FRMPD4: variants seen among roughly 807,000 people sequenced by gnomAD.
FRMPD4 encodes FERM and PDZ domain containing 4, also known as FERM and PDZ domain-containing protein 4.
Under a neutral mutation model 94.1 loss-of-function variants are expected in FRMPD4, and 22 were observed. The observed-to-expected ratio is 0.23, with a 90% confidence interval of 0.17 to 0.33. The LOEUF (loss-of-function observed/expected upper bound fraction) is 0.33. Ranked by LOEUF, FRMPD4 falls within the 10% of genes least tolerant of loss-of-function variation. The probability of loss-of-function intolerance (pLI) is 1.00; values close to 1 mark genes in which losing one functional copy is unlikely to be tolerated. For synonymous variants in FRMPD4, 631 were observed against 548.6 expected (o/e 1.15, Z -2.10); for missense variants, 1,111 against 1,339.9 (o/e 0.83, Z 2.67).
rs1478269492 is a variant in FRMPD4 at position 12,193,838 on chromosome X, G to GGAAGGAAGGA, written c.41+54826_41+54827insGAAGGAAGGA. On this transcript the variant is annotated intron_variant, in intron 1 of 16. Transcript: ENST00000675598. ...AGGAAGGAAGGAAGGAGGGAAGGAA[G>GGAAGGAAGGA]AAAGAAAAGAAAGAAAAAGGAAGGA... Among the ~76,000 whole-genome samples the GGAAGGAAGGA allele has an allele frequency of 4.0e-4, 24 of 59,955 alleles. 1 individual carries two copies. The highest frequency in any genetic ancestry group is 2.0e-3 in the East Asian group (2 of 1,003). 52.1% of individuals were successfully genotyped at this position (59,955 alleles called of 115,157 possible). A position where few individuals can be genotyped will look rare whatever the true frequency, so the allele number is the denominator to read the frequency against.
intron 3 of FRMPD4, among the ~76,000 whole-genome samples, chrX:11,884,269 C>T (rs1269487732): frequency 1.8e-5 from 2 of 112,170 alleles, no homozygotes; most frequent in Non-Finnish European, 3.8e-5. Context: ...CATGATGGCT[C>T]TACTTGTTTA....
chrX:12,321,759 A>G (rs1480013730), intron 1 of FRMPD4, among the ~76,000 whole-genome samples: 1 of 112,017 alleles, frequency 8.9e-6, no homozygotes, highest in Non-Finnish European at 1.9e-5. Flanking sequence ...GACAAGCAGG[A>G]ACCAACTAAG....
chrX:12,417,696 T>A (rs895256705), intron 1 of FRMPD4, among the ~76,000 whole-genome samples: 1 of 110,160 alleles, frequency 9.1e-6, no homozygotes, highest in African/African-American at 3.3e-5. Context: ...TATGTGCTTT[T>A]ATTCATTTTA....
At chrX:12,413,759 T>C (rs1331491830) in intron 1 of FRMPD4, among the ~76,000 whole-genome samples, 4 of 112,327 alleles carry the variant, frequency 3.6e-5, no homozygotes, top group African/African-American at 1.3e-4. Context: ...GGGGCAGCCT[T>C]TAAATGTGCA....
intron 3 of FRMPD4, among the ~76,000 whole-genome samples, chrX:12,128,703 C>A (rs1453975864): frequency 8.9e-6 from 1 of 112,004 alleles, no homozygotes; most frequent in Non-Finnish European, 1.9e-5. Context: ...AAACATAAAT[C>A]CCAATTCCAA....
intron 4 of FRMPD4, among the ~76,000 whole-genome samples, chrX:12,648,278 A>G: frequency 9.0e-6 from 1 of 111,662 alleles, no homozygotes; most frequent in Non-Finnish European, 1.9e-5. Flanking sequence ...TTGTGTCCTA[A>G]TTATACTTGC....
At chrX:12,696,323 G>A (rs1006385426) in intron 9 of FRMPD4, among the ~76,000 whole-genome samples, 6 of 111,192 alleles carry the variant, frequency 5.4e-5, no homozygotes, top group Admixed American at 3.8e-4. Context: ...AAGTTTCCAG[G>A]AATGAGTATC....
At chrX:12,416,910 A>C (rs753754936) in intron 1 of FRMPD4, among the ~76,000 whole-genome samples, 1 of 111,965 alleles carries the variant, frequency 8.9e-6, no homozygotes, top group South Asian at 3.8e-4. Flanking sequence ...AAAAAATTTT[A>C]GAAGGTATTC....
chrX:12,512,931 T>C (rs1436271380), intron 2 of FRMPD4, among the ~76,000 whole-genome samples: 2 of 112,653 alleles, frequency 1.8e-5, no homozygotes, highest in East Asian at 5.6e-4. Context: ...CATGAGATGA[T>C]ATCTTATTGT....
At chrX:12,260,575 C>T (rs1286469808) in intron 1 of FRMPD4, among the ~76,000 whole-genome samples, 1 of 111,609 alleles carries the variant, frequency 9.0e-6, no homozygotes, top group East Asian at 2.8e-4. Flanking sequence ...TTGCATCCTT[C>T]ACATCCATTA....
chrX:11,857,297 A>G (rs780118578), intron 1 of FRMPD4, among the ~76,000 whole-genome samples: 2 of 111,852 alleles, frequency 1.8e-5, no homozygotes, highest in South Asian at 7.5e-4. Context: ...ATGCTACCTG[A>G]TGTCAAACTG....
intron 1 of FRMPD4, among the ~76,000 whole-genome samples, chrX:12,216,056 C>G (rs960823707): frequency 8.9e-6 from 1 of 112,432 alleles, no homozygotes; most frequent in African/African-American, 3.2e-5. Context: ...GCCTAGAATA[C>G]AGTTTCTGTG....
intron 1 of FRMPD4, among the ~76,000 whole-genome samples, chrX:12,278,040 C>G (rs1433825711): frequency 2.7e-5 from 3 of 112,773 alleles, no homozygotes; most frequent in Non-Finnish European, 5.6e-5. Context: ...ATTCAGACCT[C>G]TGTGTGAAAC....
intron 1 of FRMPD4, among the ~76,000 whole-genome samples, chrX:12,147,360 C>T (rs1156990724): frequency 9.0e-6 from 1 of 111,711 alleles, no homozygotes; most frequent in Admixed American, 9.5e-5. Context: ...AGGTATTGTA[C>T]GTTTCTAAAA....
intron 3 of FRMPD4, among the ~76,000 whole-genome samples, chrX:11,975,888 A>G (rs1211487878): frequency 8.9e-6 from 1 of 112,220 alleles, no homozygotes; most frequent in Non-Finnish European, 1.9e-5. Flanking sequence ...TATTTGCTGA[A>G]TTATGTGTAA....
intron 1 of FRMPD4, among the ~76,000 whole-genome samples, chrX:12,444,631 G>C (rs777777729): frequency 2.7e-5 from 3 of 111,706 alleles, no homozygotes; most frequent in Non-Finnish European, 5.6e-5. Flanking sequence ...AAATATATTG[G>C]CTCACAGTTC....
At chrX:12,109,605 A>C (rs1185094717) in intron 3 of FRMPD4, among the ~76,000 whole-genome samples, 2 of 111,884 alleles carry the variant, frequency 1.8e-5, no homozygotes, top group Non-Finnish European at 3.8e-5. Context: ...GAGACACAAA[A>C]ATCCCTTCAA....
intron 3 of FRMPD4, among the ~76,000 whole-genome samples, chrX:11,899,739 G>A (rs780701941): frequency 1.5e-4 from 17 of 111,342 alleles, no homozygotes; most frequent in African/African-American, 3.3e-4. Context: ...TCTGTTATTC[G>A]CCATCAGTCT....
chrX:12,284,903 G>A (rs777793589), intron 1 of FRMPD4, among the ~76,000 whole-genome samples: 1 of 112,016 alleles, frequency 8.9e-6, no homozygotes, highest in South Asian at 3.8e-4. Flanking sequence ...TCTGCGAAAT[G>A]GGGAAAATAA....
Sources: gnomAD v4.1 joint callset for allele counts (sites outside exome capture counted in the v4.1 genomes callset) on GRCh38, gnomAD v4.1.1 for gene constraint, MANE v1.5 for transcripts, NCBI Gene and HGNC (gene_info 2026-07-23, HGNC 2026-07-21) for gene names.